PHF12: variants seen among roughly 807,000 people sequenced by gnomAD.
PHF12 encodes PHD factor 1.
Under a neutral mutation model 99.8 loss-of-function variants are expected in PHF12, and 6 were observed. That is an observed-to-expected ratio of 0.06 (90% CI 0.03 to 0.12). The LOEUF is 0.12. PHF12 is among the 10% of genes least tolerant of loss of function. PHF12 has a pLI of 1.00. For synonymous variants in PHF12, 480 were observed against 514.9 expected, an observed-to-expected ratio of 0.93 and a Z score of 0.92; for missense variants, 954 against 1,300.1, an observed-to-expected ratio of 0.73 and a Z score of 4.09.
At chr17:28,934,943 T>A (rs1386186675) in intron 2 of PHF12, among the ~76,000 whole-genome samples, 1 of 152,204 alleles carries the variant, frequency 6.6e-6, no homozygotes. Flanking sequence ...TCTGAGTACT[T>A]GGGATGGTGA....
chr17:28,921,713 C>T lies in PHF12; in HGVS notation c.811G>A (p.Val271Ile), dbSNP rs758095952. 4.2e-5 allele frequency: 67 copies of T among 1,613,938 alleles called. No individual in the cohort carries two copies. The Admixed American group carries it at 5.0e-4, about 12-fold the overall frequency. ...LDHNGLVPLP[V>I]KVCFTCNRSC... ...CTGTTACACGTGAAGCAGACTTTGA[C>T]GGGTAAGGGAACGAGACCATTGTGA... is the stretch of plus-strand genomic sequence containing the variant. Residue 271 changes from valine (V) to isoleucine (I), a missense_variant, in exon 5 of 15, where the codon GTC becomes ATC. This residue lies in a region of PHF12 where 85 missense variants were observed against 196.6 expected (regional missense o/e 0.43). Transcript: ENST00000332830.
At chr17:28,919,352 TCC>T in intron 5 of PHF12, 77 bp from the exon 6 acceptor site, 8 of 13,426 alleles carry the variant, frequency 6.0e-4, no homozygotes, top group Non-Finnish European at 9.3e-4. Flanking sequence ...TGGAACAGCC[TCC>T]CCTCCTTGAT....
chr17:28,918,440 T>C (rs1278144551), intron 6 of PHF12, among the ~76,000 whole-genome samples: 2 of 152,262 alleles, frequency 1.3e-5, no homozygotes, highest in Admixed American at 1.3e-4. Flanking sequence ...TGTGCAAGTC[T>C]TTAACCGAGG....
chr17:28,909,695 A>C (rs2039926854), intron 11 of PHF12: 1 of 209,836 alleles, frequency 4.8e-6, no homozygotes, highest in Admixed American at 5.3e-5. Flanking sequence ...GACTCAAGCG[A>C]TCCTCCCATC....
chr17:28,931,994 G>A (rs927016906), intron 2 of PHF12, among the ~76,000 whole-genome samples: 2 of 152,270 alleles, frequency 1.3e-5, no homozygotes, highest in Non-Finnish European at 1.5e-5. Context: ...AGGAAAGAAA[G>A]GTCTTAGAAA....
Position 28,950,181 on chromosome 17 carries a change from C to T in PHF12, c.132G>A (p.Glu44=). Residue 44 remains glutamate (E), a synonymous_variant, in exon 2 of 15, where the codon GAG becomes GAA. Transcript: ENST00000332830. The surrounding 1 kb of genome is among the most constrained non-coding windows in gnomAD (Gnocchi z 5.7). ...DEAEKRSRKP[E]KEPRRSGRAT... is the part of the protein sequence containing the mutation. ...CCCTGCCGCTTCTCCGGGGCTCCTT[C>T]TCAGGCTTCCGACTGCGCTTTTCTG... 6.2e-7 allele frequency: 1 copy of T among 1,613,738 alleles called. No individual in the cohort carries two copies. The highest frequency in any genetic ancestry group is 8.5e-7 in the Non-Finnish European group (1 of 1,180,014).
At chr17:28,907,019 A>G (rs1257283221) in intron 13 of PHF12, 25 bp from the exon 14 acceptor site, 1 of 1,590,142 alleles carries the variant, frequency 6.3e-7, no homozygotes, top group South Asian at 1.2e-5. Context: ...GGGAGATAAG[A>G]TGTGTGGTCT....
chr17:28,908,525 G>T, intron 12 of PHF12: 1 of 473,558 alleles, frequency 2.1e-6, no homozygotes, highest in Non-Finnish European at 3.8e-6. Flanking sequence ...TCACCATGTT[G>T]CCCAGGCTGG....
chr17:28,917,476 T>G (rs1387444670), intron 6 of PHF12, 27 bp from the exon 7 acceptor site: 1 of 1,570,798 alleles, frequency 6.4e-7, no homozygotes, highest in Non-Finnish European at 8.6e-7. Flanking sequence ...CACAACCTTG[T>G]GGTGAGCCTC....
At chr17:28,912,027 T>A (rs1268501802) in intron 9 of PHF12, 2 of 925,150 alleles carry the variant, frequency 2.2e-6, no homozygotes, top group African/African-American at 3.6e-5. Context: ...GTTCATCAGA[T>A]TAACTCTTTC....
chr17:28,918,426 C>A (rs2040099419), intron 6 of PHF12, among the ~76,000 whole-genome samples: 1 of 152,224 alleles, frequency 6.6e-6, no homozygotes, highest in Admixed American at 6.5e-5. Context: ...TCTTCTCTTC[C>A]ATGTGTGCAA....
At chr17:28,914,671 C>CAAAAAAAAAAAAAAAA (rs61203588) in intron 7 of PHF12, among the ~76,000 whole-genome samples, 2 of 30,344 alleles carry the variant, frequency 6.6e-5, no homozygotes, top group Admixed American at 5.5e-4. Flanking sequence ...GACTCCGTCT[C>CAAAAAAAAAAAAAAAA]AAAAAAAAAA....
rs950781262 is a variant in PHF12 at position 28,949,309 on chromosome 17, G to C, written c.248+756C>G. On this transcript the variant is annotated intron_variant, in intron 2 of 14. Transcript: ENST00000332830. This position sits in a 1 kb window ranked among gnomAD's most constrained non-coding sequence, Gnocchi z 4.6. ...AAGAGGCAGCGGCGCCGGGAGGGAG[G>C]AGGGAAGAGGGAGGAGGAAGGAAGG... Among the ~76,000 whole-genome samples the C allele has an allele frequency of 3.9e-5, 6 of 152,098 alleles. No individual in the cohort carries two copies. The highest frequency in any genetic ancestry group is 2.4e-5 in the African/African-American group (1 of 41,414).
At chr17:28,909,311 G>A (rs578028794) in intron 11 of PHF12, 224 of 160,906 alleles carry the variant, frequency 1.4e-3, no homozygotes, top group Non-Finnish European at 2.5e-3. Flanking sequence ...AGGGGCCTTA[G>A]CTCTGCATTT....
chr17:28,938,359 G>A (rs934381777), intron 2 of PHF12, among the ~76,000 whole-genome samples: 3 of 152,046 alleles, frequency 2.0e-5, no homozygotes, highest in Admixed American at 6.6e-5. Context: ...CCTCCTGAGC[G>A]GCTGGGATTA....
Position 28,950,635 on chromosome 17 carries a change from C to A in PHF12, c.66+260G>T. On this transcript the variant is annotated intron_variant, in intron 1 of 14. Coordinates refer to ENST00000332830, the MANE Select transcript of PHF12 (RefSeq NM_001033561.2). The surrounding 1 kb of genome is among the most constrained non-coding windows in gnomAD (Gnocchi z 5.7). ...GCCAACAAGAAGGGGGTGGGGAGGCCTGCCGGTGCAACGAGATGGAGTGGG... is the reference window on the plus strand; with the variant it reads ...GCCAACAAGAAGGGGGTGGGGAGGCATGCCGGTGCAACGAGATGGAGTGGG... 1 of 548,780 alleles carries A rather than the reference C, an allele frequency of 1.8e-6. No individual in the cohort carries two copies. Among genetic ancestry groups the A allele is most frequent in the Non-Finnish European group, 3.1e-6 (1 of 318,684 alleles). 34.0% of individuals were successfully genotyped at this position (548,780 alleles called of 1,614,324 possible).
intron 2 of PHF12, among the ~76,000 whole-genome samples, chr17:28,931,801 C>G (rs901822484): frequency 6.6e-6 from 1 of 150,960 alleles, no homozygotes; most frequent in Non-Finnish European, 1.5e-5. Flanking sequence ...AGGCTGGTCT[C>G]GAACTCCTGA....
chr17:28,936,306 T>C (rs1487137737), intron 2 of PHF12, among the ~76,000 whole-genome samples: 4 of 152,036 alleles, frequency 2.6e-5, no homozygotes, highest in Admixed American at 1.3e-4. Context: ...CAGTCTGGAA[T>C]TGGAGGGGAG....
rs2040774954 is a variant in PHF12, at chr17:28,949,671, G to A, written c.248+394C>T. On this transcript the variant is annotated intron_variant, in intron 2 of 14. Transcript: ENST00000332830. This position sits in a 1 kb window ranked among gnomAD's most constrained non-coding sequence, Gnocchi z 4.6. ...GCCGAGGGCTCCACGCACCCACCCCGAGGAGATCCCGGCCGGGCAGGAGCC... is the reference window on the plus strand; with the variant it reads ...GCCGAGGGCTCCACGCACCCACCCCAAGGAGATCCCGGCCGGGCAGGAGCC... 1.2e-5 allele frequency: 2 copies of A among 171,394 alleles called. No homozygotes were observed. The highest frequency in any genetic ancestry group is 6.2e-5 in the Admixed American group (1 of 16,054). 10.6% of individuals were successfully genotyped at this position (171,394 alleles called of 1,614,324 possible). A position where few individuals can be genotyped will look rare whatever the true frequency, so the allele number is the denominator to read the frequency against.
Sources: allele counts gnomAD v4.1 joint callset (sites outside exome capture counted in the v4.1 genomes callset), GRCh38; gene constraint gnomAD v4.1.1; regional missense constraint gnomAD v4.1.1; non-coding constraint Gnocchi (gnomAD v3.1); transcripts MANE v1.5; gene names NCBI Gene and HGNC (gene_info 2026-07-23, HGNC 2026-07-21).